The following BCAR3 variants were observed in gnomAD, a reference collection of about 807,000 sequenced individuals.
BCAR3 encodes BCAR3 adaptor protein, NSP family member.
In BCAR3, 37 loss-of-function variants were observed where a neutral mutation model predicts 80.1. The ratio of observed to expected loss-of-function variants is 0.46; its 90% confidence interval spans 0.36 to 0.61. BCAR3 has a LOEUF of 0.61. Ranked by LOEUF, BCAR3 falls within the 20% of genes least tolerant of loss-of-function variation. The probability of loss-of-function intolerance (pLI) is 0.00; values close to 1 mark genes in which losing one functional copy is unlikely to be tolerated. For synonymous variants in BCAR3, 389 were observed against 418.9 expected, an observed-to-expected ratio of 0.93 and a Z score of 0.87; for missense variants, 978 against 1,068.2, an observed-to-expected ratio of 0.92 and a Z score of 1.18.
At chr1:93,756,933 T>C (rs1357038625) in intron 2 of BCAR3, among the ~76,000 whole-genome samples, 1 of 152,158 alleles carries the variant, frequency 6.6e-6, no homozygotes, top group African/African-American at 2.4e-5. Context: ...ATTTACACTC[T>C]AGGCTTCTAG....
At chr1:93,682,218 G>C (rs923979681), upstream of BCAR3, among the ~76,000 whole-genome samples, 1 of 152,184 alleles carries the variant, frequency 6.6e-6, no homozygotes, top group African/African-American at 2.4e-5. Context: ...ACCATCCACG[G>C]GAACAGGCAA....
intron 2 of BCAR3, among the ~76,000 whole-genome samples, chr1:93,786,909 C>CA (rs1652968998): frequency 6.6e-6 from 1 of 152,138 alleles, no homozygotes; most frequent in African/African-American, 2.4e-5. Context: ...ATCATCTGGG[C>CA]CAATGTTCCT....
At chr1:93,660,892 T>C (rs188685293) in intron 2 of BCAR3, among the ~76,000 whole-genome samples, 173 of 152,186 alleles carry the variant, frequency 1.1e-3, no homozygotes, top group African/African-American at 3.9e-3. Context: ...TTTCTTTTTT[T>C]TTAGACGGAG....
At chr1:93,740,087 C>A (rs1163633185) in intron 2 of BCAR3, among the ~76,000 whole-genome samples, 2 of 151,846 alleles carry the variant, frequency 1.3e-5, no homozygotes, top group African/African-American at 4.8e-5. Flanking sequence ...GAAATACCAG[C>A]CCAAATTTGA....
chr1:93,715,804 C>A (rs1650170285), intron 2 of BCAR3, among the ~76,000 whole-genome samples: 1 of 152,178 alleles, frequency 6.6e-6, no homozygotes, highest in Non-Finnish European at 1.5e-5. Flanking sequence ...TTATCTCTTC[C>A]TCTCCCCAGC....
At chr1:93,787,873 C>T (rs2747035) in intron 2 of BCAR3, among the ~76,000 whole-genome samples, 151,700 of 152,342 alleles carry the variant, frequency 1, 75,533 homozygotes, top group East Asian at 1. Flanking sequence ...TTTGTTGACG[C>T]TCTGTCTTAA....
In BCAR3 at chr1:93,582,434, T is replaced by C. The variant is rs759203304; in HGVS notation, c.1553A>G (p.Asn518Ser). The change falls in exon 7 of 12, where the codon AAC (asparagine) becomes AGC (serine). Residue 518 changes from asparagine (N) to serine (S), a missense_variant. Coordinates refer to ENST00000260502, the MANE Select transcript of BCAR3 (RefSeq NM_003567.4). ...LLETVSSFRP[N>S]EFESKFLPPE... ...GGGAAGGAACTTTGACTCAAACTCG[T>C]TGGGCCTGAAGGAGGAGACAGTCTC... is the stretch of plus-strand genomic sequence containing the variant. 4 of 1,614,150 alleles carry C rather than the reference T, an allele frequency of 2.5e-6. No individual in the cohort carries two copies. Among genetic ancestry groups the C allele is most frequent in the Non-Finnish European group, 3.4e-6 (4 of 1,180,022 alleles).
intron 2 of BCAR3, among the ~76,000 whole-genome samples, chr1:93,729,576 G>T (rs1371463777): frequency 6.6e-6 from 1 of 152,208 alleles, no homozygotes; most frequent in East Asian, 1.9e-4. Flanking sequence ...CAGTGCAGTT[G>T]TCACAGAGGC....
intron 2 of BCAR3, among the ~76,000 whole-genome samples, chr1:93,772,862 C>T (rs1215220062): frequency 6.6e-6 from 1 of 152,152 alleles, no homozygotes; most frequent in Non-Finnish European, 1.5e-5. Context: ...CCTCAGCCTC[C>T]CAAAGTGCTG....
At chr1:93,702,091 G>T (rs1157516178) in intron 3 of BCAR3, among the ~76,000 whole-genome samples, 3 of 152,100 alleles carry the variant, frequency 2.0e-5, no homozygotes, top group African/African-American at 7.2e-5. Context: ...ACCCACTGGC[G>T]CTGTGGCAAT....
intron 2 of BCAR3, among the ~76,000 whole-genome samples, chr1:93,828,657 G>A (rs1430940525): frequency 1.3e-5 from 2 of 152,066 alleles, no homozygotes; most frequent in Non-Finnish European, 2.9e-5. Flanking sequence ...AGTTTTCCCT[G>A]GGTCTTTGTG....
chr1:93,586,126 A>T lies in BCAR3; in HGVS notation c.930-2005T>A, dbSNP rs1367306038. Among the ~76,000 whole-genome samples, 1 of 152,074 alleles carries T rather than the reference A, an allele frequency of 6.6e-6. No individual in the cohort carries two copies. Among genetic ancestry groups the T allele is most frequent in the Non-Finnish European group, 1.5e-5 (1 of 68,028 alleles). ...ACTACAGTCACCCTATTGTGTTATC[A>T]AATAAGTCTTATTCATTCTTTCTAA... On this transcript the variant is annotated intron_variant, in intron 5 of 11. Transcript: ENST00000260502. This position sits in a 1 kb window ranked among gnomAD's most constrained non-coding sequence, Gnocchi z 4.2.
In BCAR3 at chr1:93,642,360, T is replaced by C. The variant is rs773069309; in HGVS notation, c.318-17A>G. The C allele has an allele frequency of 6.2e-7, 1 of 1,607,408 alleles. No individual in the cohort carries two copies. The highest frequency in any genetic ancestry group is 1.3e-5 in the African/African-American group (1 of 74,916). On this transcript the variant is annotated splice_polypyrimidine_tract_variant and intron_variant, in intron 2 of 11. Transcript: ENST00000260502. ...TGTGGATCCCTGAAAAGAGAAAATATAAATATGAGAATGGTTGGGAACGAT... is the reference window on the plus strand; with the variant it reads ...TGTGGATCCCTGAAAAGAGAAAATACAAATATGAGAATGGTTGGGAACGAT...
intron 2 of BCAR3, among the ~76,000 whole-genome samples, chr1:93,738,377 C>T (rs1177582219): frequency 6.6e-6 from 1 of 152,204 alleles, no homozygotes; most frequent in African/African-American, 2.4e-5. Flanking sequence ...AATAACTTGT[C>T]TAATAGGCAT....
At chr1:93,693,749 G>A (rs747450309) in intron 3 of BCAR3, among the ~76,000 whole-genome samples, 30 of 152,080 alleles carry the variant, frequency 2.0e-4, no homozygotes, top group Non-Finnish European at 2.5e-4. Flanking sequence ...CTGTAAACAC[G>A]GACTGCTGTG....
intron 2 of BCAR3, among the ~76,000 whole-genome samples, chr1:93,776,554 T>TAA (rs1652557988): frequency 6.6e-6 from 1 of 152,246 alleles, no homozygotes; most frequent in Non-Finnish European, 1.5e-5. Flanking sequence ...TTACGTCTAT[T>TAA]ATGTCCATTT....
rs866045619 is a variant in BCAR3 at position 93,670,381 on chromosome 1, G to A, written c.317+4233C>T. 2.0e-5 allele frequency among the ~76,000 whole-genome samples: 3 copies of A among 152,234 alleles called. No homozygotes were observed. The Middle Eastern group carries it at 0.01, about 518-fold the overall frequency. On this transcript the variant is annotated intron_variant, in intron 2 of 11. Transcript: ENST00000260502. ...AAGAGAAGACCAACTCCCCCTTCCA[G>A]GCCTGCCTTCTGCCTGGCTCTCAGC... is the stretch of plus-strand genomic sequence containing the variant.
chr1:93,756,505 A>C (rs1000865110), intron 2 of BCAR3, among the ~76,000 whole-genome samples: 1 of 152,206 alleles, frequency 6.6e-6, no homozygotes, highest in Admixed American at 6.5e-5. Flanking sequence ...AGTTCTTGTA[A>C]ATTTTGCATT....
intron 2 of BCAR3, among the ~76,000 whole-genome samples, chr1:93,770,491 A>T (rs1157378674): frequency 1.3e-5 from 2 of 152,192 alleles, no homozygotes; most frequent in Non-Finnish European, 2.9e-5. Context: ...GAGGGAGCTC[A>T]GAGGCAAACA....
Sources: allele counts gnomAD v4.1 joint callset (sites outside exome capture counted in the v4.1 genomes callset), GRCh38; gene constraint gnomAD v4.1.1; non-coding constraint Gnocchi (gnomAD v3.1); transcripts MANE v1.5; gene names NCBI Gene and HGNC (gene_info 2026-07-23, HGNC 2026-07-21).